The following PPP6R2 variants were observed in gnomAD, a reference collection of about 807,000 sequenced individuals.
PPP6R2 encodes the protein serine/threonine-protein phosphatase 6 regulatory subunit 2.
PPP6R2 carries 62 observed loss-of-function variants against 100.2 expected under a neutral mutation model. That is an observed-to-expected ratio of 0.62 (90% CI 0.50 to 0.76). PPP6R2 has a LOEUF of 0.76. PPP6R2 is among the 30% of genes least tolerant of loss of function. The pLI, the probability that PPP6R2 is intolerant of heterozygous loss-of-function variation, is 0.00. For missense variants in PPP6R2, 1,142 were observed against 1,276.3 expected (o/e 0.89, Z 1.60); for synonymous variants, 525 against 514.7 (o/e 1.02, Z -0.27).
At chr22:50,339,475 AGT>A (rs1473407327), upstream of PPP6R2, among the ~76,000 whole-genome samples, 3 of 43,334 alleles carry the variant, frequency 6.9e-5, no homozygotes, top group South Asian at 1.4e-3. Flanking sequence ...GTGTGTGTGT[AGT>A]GTGTGGTGTG....
chr22:50,406,620 A>G lies in PPP6R2; in HGVS notation c.228-69A>G. On this transcript the variant is annotated intron_variant, in intron 3 of 23. Coordinates refer to ENST00000612753, the MANE Select transcript of PPP6R2 (RefSeq NM_001242898.2). ...GGGTCTGCTTCCTAAGAAGCAGACT[A>G]TGTAAGCAGCTTCCTAAGAGTTGGA... 9 of 1,450,926 alleles carry G rather than the reference A, an allele frequency of 6.2e-6. No individual in the cohort carries two copies. In the South Asian group the frequency reaches 9.3e-5, roughly 15 times the overall value. The allele number at this position is 1,450,926 out of a possible 1,614,324, so 89.9% of individuals were successfully genotyped here.
chr22:50,409,420 C>CATG (rs774981944), intron 4 of PPP6R2, among the ~76,000 whole-genome samples: 9 of 151,820 alleles, frequency 5.9e-5, no homozygotes, highest in Admixed American at 1.3e-4. Flanking sequence ...GCCTTTTGAT[C>CATG]ATGATGATGA....
intron 3 of PPP6R2, 95 bp from the exon 4 acceptor site, chr22:50,406,594 T>G: frequency 8.7e-7 from 1 of 1,143,576 alleles, no homozygotes; most frequent in Non-Finnish European, 1.3e-6. Flanking sequence ...TTTGATCACG[T>G]GGGTCTGCTT....
intron 1 of PPP6R2, among the ~76,000 whole-genome samples, chr22:50,368,579 C>T (rs185134444): frequency 1.2e-4 from 19 of 152,242 alleles, no homozygotes; most frequent in Non-Finnish European, 4.4e-5. Flanking sequence ...TAATCTATTT[C>T]TAGTATAACT....
intron 1 of PPP6R2, among the ~76,000 whole-genome samples, chr22:50,359,206 G>T (rs1365129381): frequency 7.1e-6 from 1 of 141,464 alleles, no homozygotes; most frequent in Non-Finnish European, 1.5e-5. Context: ...CATCCTGTTG[G>T]CCAGGCTGGT....
At chr22:50,440,645 C>A (rs1163967385) in intron 21 of PPP6R2, among the ~76,000 whole-genome samples, 177 bp from the exon 22 acceptor site, 1 of 152,212 alleles carries the variant, frequency 6.6e-6, no homozygotes, top group African/African-American at 2.4e-5. Flanking sequence ...TGTGTGGAGA[C>A]CCCATGGCAG....
chr22:50,403,422 C>G (rs1322333997), intron 3 of PPP6R2, among the ~76,000 whole-genome samples: 2 of 152,210 alleles, frequency 1.3e-5, no homozygotes, highest in South Asian at 2.1e-4. Flanking sequence ...CCCTCCTCTC[C>G]TGCTCTCTGG....
At chr22:50,339,565 G>A (rs571334797), upstream of PPP6R2, among the ~76,000 whole-genome samples, 47 of 116,614 alleles carry the variant, frequency 4.0e-4, no homozygotes, top group African/African-American at 1.5e-3. Flanking sequence ...TGGTGTGTGT[G>A]GTATGTAGTG....
chr22:50,436,514 C>T, intron 14 of PPP6R2, 62 bp downstream of exon 14: 3 of 1,503,134 alleles, frequency 2.0e-6, no homozygotes, highest in Middle Eastern at 2.1e-4. Context: ...GTCAGACGCT[C>T]CTGCCTTTGC....
chr22:50,342,091 C>G (rs1441573293), upstream of PPP6R2, among the ~76,000 whole-genome samples: 1 of 152,144 alleles, frequency 6.6e-6, no homozygotes, highest in African/African-American at 2.4e-5. Context: ...CACGTGCTCA[C>G]GGCAGCAGGA....
At chr22:50,338,813 TGTGTGTGTGTAGGGTGTGTG>T (rs1367757544), upstream of PPP6R2, among the ~76,000 whole-genome samples, 7 of 120,066 alleles carry the variant, frequency 5.8e-5, no homozygotes, top group Non-Finnish European at 1.2e-4. Context: ...GTGTCTGGTG[TGTGTGTGTGTAGGGTGTGTG>T]GTGTGTGTGT....
chr22:50,354,235 G>C (rs760712788), intron 1 of PPP6R2, among the ~76,000 whole-genome samples: 1 of 152,046 alleles, frequency 6.6e-6, no homozygotes, highest in African/African-American at 2.4e-5. Context: ...AACCCAGAAG[G>C]TGGAGATTGT....
At chr22:50,412,421 A>G (rs1310917812) in intron 4 of PPP6R2, among the ~76,000 whole-genome samples, 1 of 151,804 alleles carries the variant, frequency 6.6e-6, no homozygotes, top group Non-Finnish European at 1.5e-5. Context: ...AGATCAAGTG[A>G]TCCGCCTGCC....
the PPP6R2 span, among the ~76,000 whole-genome samples, chr22:50,332,424 GT>G: frequency 6.6e-6 from 1 of 151,484 alleles, no homozygotes; most frequent in Non-Finnish European, 1.5e-5. Flanking sequence ...TAGAAGCGGG[GT>G]TTCACTGTGT....
chr22:50,360,401 G>C, intron 1 of PPP6R2, among the ~76,000 whole-genome samples: 1 of 149,530 alleles, frequency 6.7e-6, no homozygotes, highest in African/African-American at 2.5e-5. Flanking sequence ...CTGCCCACTT[G>C]GAAGTGCAAG....
intron 2 of PPP6R2, among the ~76,000 whole-genome samples, chr22:50,382,319 CAG>C (rs1171609684): frequency 1.3e-5 from 2 of 152,202 alleles, no homozygotes; most frequent in African/African-American, 4.8e-5. Flanking sequence ...AAAAGTCAAA[CAG>C]GGCACGGTGG....
intron 1 of PPP6R2, among the ~76,000 whole-genome samples, chr22:50,370,025 A>G (rs1171336150): frequency 6.8e-6 from 1 of 147,876 alleles, no homozygotes; most frequent in Non-Finnish European, 1.5e-5. Flanking sequence ...CTGGGATTAC[A>G]GATGTGAGCC....
chr22:50,338,524 G>A (rs559970492), upstream of PPP6R2, among the ~76,000 whole-genome samples: 14 of 131,778 alleles, frequency 1.1e-4, no homozygotes, highest in South Asian at 8.1e-4. Flanking sequence ...GTGTGTGTGC[G>A]GTGTGTGTGT....
At chr22:50,422,503 C>A in intron 9 of PPP6R2, 123 bp downstream of exon 9, 1 of 1,319,014 alleles carries the variant, frequency 7.6e-7, no homozygotes, top group Non-Finnish European at 1.0e-6. Flanking sequence ...TGTTCTAAGA[C>A]GGCCATTCCC....
Sources: allele counts gnomAD v4.1 joint callset (sites outside exome capture counted in the v4.1 genomes callset), GRCh38; gene constraint gnomAD v4.1.1; transcripts MANE v1.5; gene names NCBI Gene and HGNC (gene_info 2026-07-23, HGNC 2026-07-21).